ATP10B: variants seen among roughly 807,000 people sequenced by gnomAD.
The protein encoded by ATP10B is phospholipid-transporting ATPase VB.
In ATP10B, 122 loss-of-function variants were observed where a neutral mutation model predicts 141.2. That is an observed-to-expected ratio of 0.86 (90% confidence interval 0.75 to 1.00). ATP10B has a LOEUF of 1.00. Ranked by LOEUF, ATP10B falls within the 50% of genes least tolerant of loss-of-function variation. The pLI, the probability that ATP10B is intolerant of heterozygous loss-of-function variation, is 0.00. For synonymous variants in ATP10B, 685 were observed against 692.0 expected (o/e 0.99, Z 0.16); for missense variants, 1,876 against 1,825.3 (o/e 1.03, Z -0.51).
chr5:160,850,264 C>G (rs913267605), intron 1 of ATP10B, among the ~76,000 whole-genome samples: 1 of 151,794 alleles, frequency 6.6e-6, no homozygotes, highest in African/African-American at 2.4e-5. Context: ...AAACAAAAAA[C>G]AAAACAAAAA....
intron 1 of ATP10B, among the ~76,000 whole-genome samples, chr5:160,843,970 T>C (rs1399317410): frequency 3.3e-5 from 5 of 152,136 alleles, no homozygotes; most frequent in Admixed American, 2.0e-4. Context: ...TTTTCTTAAG[T>C]AGAATCCCCA....
At chr5:160,566,273 C>G (rs367601987) in intron 25 of ATP10B, among the ~76,000 whole-genome samples, 1 of 152,206 alleles carries the variant, frequency 6.6e-6, no homozygotes, top group South Asian at 2.1e-4. Context: ...ATGGTCAGAA[C>G]CACACTCTCT....
intron 6 of ATP10B, among the ~76,000 whole-genome samples, chr5:160,672,345 T>C (rs1762764926): frequency 6.6e-6 from 1 of 152,148 alleles, no homozygotes; most frequent in Non-Finnish European, 1.5e-5. Context: ...TTTAAACAGT[T>C]CTGCTCTTCC....
chr5:160,827,051 T>C (rs1774660507), intron 1 of ATP10B, among the ~76,000 whole-genome samples: 1 of 152,130 alleles, frequency 6.6e-6, no homozygotes, highest in African/African-American at 2.4e-5. Flanking sequence ...TTTTGCCATT[T>C]GAAGCATGTG....
At chr5:160,652,885 ATAAT>A (rs1168999613) in intron 7 of ATP10B, among the ~76,000 whole-genome samples, 1 of 85,506 alleles carries the variant, frequency 1.2e-5, no homozygotes, top group Non-Finnish European at 2.0e-5. Flanking sequence ...TAATATATAT[ATAAT>A]TATATAATAT....
intron 13 of ATP10B, among the ~76,000 whole-genome samples, chr5:160,624,799 G>A (rs1449573479): frequency 6.6e-6 from 1 of 152,214 alleles, no homozygotes; most frequent in African/African-American, 2.4e-5. Context: ...TAGTGAGTTA[G>A]TGTAAAGCCA....
chr5:160,716,214 T>A (rs4921316), intron 3 of ATP10B, among the ~76,000 whole-genome samples: 128,168 of 152,214 alleles, frequency 0.84, 54,094 homozygotes, highest in East Asian at 0.9. Context: ...CATATTTATA[T>A]AATAGAATAT....
intron 24 of ATP10B, among the ~76,000 whole-genome samples, chr5:160,573,987 C>T (rs986886702): frequency 2.0e-5 from 3 of 152,028 alleles, no homozygotes; most frequent in Non-Finnish European, 4.4e-5. Context: ...TAGAATTGTG[C>T]CAAAAAAATG....
At chr5:160,702,895 G>C (rs557891394) in intron 3 of ATP10B, among the ~76,000 whole-genome samples, 4 of 152,098 alleles carry the variant, frequency 2.6e-5, no homozygotes, top group Non-Finnish European at 1.5e-5. Flanking sequence ...TTTAATAGTA[G>C]TTTATGCCAC....
chr5:160,868,939 G>C, the ATP10B span, among the ~76,000 whole-genome samples: 3 of 151,968 alleles, frequency 2.0e-5, no homozygotes, highest in Non-Finnish European at 4.4e-5. Flanking sequence ...TTCATATAAG[G>C]CTTGATTCTG....
intron 1 of ATP10B, among the ~76,000 whole-genome samples, chr5:160,820,871 G>A (rs1006357200): frequency 6.6e-6 from 1 of 152,052 alleles, no homozygotes; most frequent in African/African-American, 2.4e-5. Context: ...TAAGAAAGCT[G>A]GGTATAGAAG....
In ATP10B at chr5:160,640,473, T is replaced by A. The variant is rs1326662045; in HGVS notation, c.988A>T (p.Ile330Phe). 2.5e-6 allele frequency: 4 copies of A among 1,613,908 alleles called. No homozygotes were observed. The East Asian group carries it at 6.7e-5, about 27-fold the overall frequency. Residue 330 changes from isoleucine to phenylalanine, a missense_variant, in exon 10 of 26, where the codon ATT becomes TTT. Ile to Phe is a conservative substitution (Grantham distance 21). Transcript: ENST00000327245. ...GAACATCCCATACCTACAGCTCCAA[T>A]AAGGCACATGAGGATGAGGATCCCA... ...CIGILILMCL[I>F]GAVGHSIWNG...
chr5:160,687,804 G>T lies in ATP10B; in HGVS notation c.271C>A (p.His91Asn). The T allele has an allele frequency of 6.2e-7, 1 of 1,613,448 alleles. No homozygotes were observed. Among genetic ancestry groups the T allele is most frequent in the Non-Finnish European group, 8.5e-7 (1 of 1,179,638 alleles). Residue 91 changes from histidine to asparagine, a missense_variant, in exon 5 of 26, where the codon CAT becomes AAT. His to Asn is a moderately conservative substitution (Grantham distance 68, BLOSUM62 1). Transcript: ENST00000327245. ...TTCAGACAAGTGGATCTCTACCTAT[G>T]AAATTGCTCAAAGAGATTCCGGGGC... is the stretch of plus-strand genomic sequence containing the variant. The part of the protein sequence containing the change: ...FLPRNLFEQF[H>N]RWANLYFLFL...
chr5:160,928,167 C>T, the ATP10B span, among the ~76,000 whole-genome samples: 5 of 152,128 alleles, frequency 3.3e-5, no homozygotes, highest in Non-Finnish European at 7.4e-5. Context: ...TTCTCAAACA[C>T]ATTTCCTTCC....
intron 8 of ATP10B, among the ~76,000 whole-genome samples, chr5:160,644,944 C>T (rs780091919): frequency 6.6e-6 from 1 of 151,844 alleles, no homozygotes. Context: ...GGTGAAACCC[C>T]GTCTCTACTA....
At chr5:160,921,629 A>G in the ATP10B span, among the ~76,000 whole-genome samples, 2 of 152,248 alleles carry the variant, frequency 1.3e-5, no homozygotes. Context: ...GTGATAAGAA[A>G]TACTCATTGT....
At chr5:160,575,346 T>C (rs62391598) in intron 24 of ATP10B, among the ~76,000 whole-genome samples, 12,423 of 152,230 alleles carry the variant, frequency 0.082, 699 homozygotes, top group East Asian at 0.27. Context: ...TCTCCTTTAA[T>C]CTGGGCTATT....
At chr5:160,737,186 T>C (rs1361180527) in intron 2 of ATP10B, among the ~76,000 whole-genome samples, 1 of 152,182 alleles carries the variant, frequency 6.6e-6, no homozygotes, top group Non-Finnish European at 1.5e-5. Context: ...TGCTGAAAAG[T>C]ATTTGACAAA....
intron 9 of ATP10B, among the ~76,000 whole-genome samples, chr5:160,640,978 C>A (rs1581247599): frequency 6.6e-6 from 1 of 152,272 alleles, no homozygotes; most frequent in Non-Finnish European, 1.5e-5. Context: ...CTAATTTGCA[C>A]AAAGGTTCTG....
Sources: allele counts gnomAD v4.1 joint callset (sites outside exome capture counted in the v4.1 genomes callset), GRCh38; gene constraint gnomAD v4.1.1; transcripts MANE v1.5; gene names NCBI Gene and HGNC (gene_info 2026-07-23, HGNC 2026-07-21).